The following ARHGAP24 variants were observed in gnomAD, a reference collection of about 807,000 sequenced individuals.
The protein encoded by ARHGAP24 is Rho GTPase activating protein 24.
Under a neutral mutation model 76.4 loss-of-function variants are expected in ARHGAP24, and 50 were observed. That is an observed-to-expected ratio of 0.65 (90% CI 0.52 to 0.83). The LOEUF (loss-of-function observed/expected upper bound fraction) is 0.83. Among genes scored for constraint, ARHGAP24 ranks in the 40% least tolerant of loss-of-function variants. The probability of loss-of-function intolerance (pLI) is 0.00; values close to 1 mark genes in which losing one functional copy is unlikely to be tolerated. For synonymous variants in ARHGAP24, 345 were observed against 323.3 expected (o/e 1.07, Z -0.72); for missense variants, 930 against 914.2 (o/e 1.02, Z -0.22).
chr4:85,775,872 G>T (rs1324947590), intron 3 of ARHGAP24, among the ~76,000 whole-genome samples: 2 of 152,220 alleles, frequency 1.3e-5, no homozygotes, highest in East Asian at 3.9e-4. Flanking sequence ...AGTAATCATG[G>T]GAAATTGTTC....
At chr4:85,565,382 C>G (rs993255392) in intron 1 of ARHGAP24, among the ~76,000 whole-genome samples, 33 of 152,186 alleles carry the variant, frequency 2.2e-4, no homozygotes, top group African/African-American at 7.7e-4. Flanking sequence ...AGTATTTTAC[C>G]AACATTGCCA....
At chr4:85,912,356 C>T (rs765460231) in intron 3 of ARHGAP24, among the ~76,000 whole-genome samples, 16 of 152,094 alleles carry the variant, frequency 1.1e-4, no homozygotes, top group Non-Finnish European at 1.8e-4. Context: ...TACACTGGAG[C>T]TCACAAAATC....
intron 2 of ARHGAP24, among the ~76,000 whole-genome samples, chr4:85,710,975 C>T (rs72974953): frequency 0.23 from 35,687 of 151,926 alleles, 4,992 homozygotes; most frequent in East Asian, 0.58. Flanking sequence ...GCACTACTCA[C>T]AATAGCAAAG....
At chr4:85,558,840 T>G (rs931179) in intron 1 of ARHGAP24, among the ~76,000 whole-genome samples, 129,064 of 152,208 alleles carry the variant, frequency 0.85, 56,244 homozygotes, top group East Asian at 0.98. Context: ...AATGACTATC[T>G]CCATCAAAGT....
intron 2 of ARHGAP24, among the ~76,000 whole-genome samples, chr4:85,627,074 T>G (rs181615135): frequency 6.6e-6 from 1 of 152,264 alleles, no homozygotes; most frequent in African/African-American, 2.4e-5. Flanking sequence ...TTCTCTCAAC[T>G]TGTCAGTCAT....
At chr4:85,827,191 TTC>T (rs1443179217) in intron 3 of ARHGAP24, among the ~76,000 whole-genome samples, 2 of 152,176 alleles carry the variant, frequency 1.3e-5, no homozygotes, top group Non-Finnish European at 1.5e-5. Flanking sequence ...TTTAAATTGA[TTC>T]TGTCAGCTCT....
chr4:85,708,694 G>A (rs528694123), intron 2 of ARHGAP24, among the ~76,000 whole-genome samples: 3 of 152,280 alleles, frequency 2.0e-5, no homozygotes, highest in East Asian at 3.9e-4. Flanking sequence ...GGCGCACTCT[G>A]TTGGCATCCG....
chr4:85,483,614 AAAAT>A (rs927592014), intron 1 of ARHGAP24, among the ~76,000 whole-genome samples: 4 of 152,156 alleles, frequency 2.6e-5, no homozygotes, highest in African/African-American at 4.8e-5. Context: ...CTCCATCTCA[AAAAT>A]AAATAAATAA....
chr4:85,627,130 T>C (rs1473736128), intron 2 of ARHGAP24, among the ~76,000 whole-genome samples: 1 of 152,186 alleles, frequency 6.6e-6, no homozygotes, highest in Non-Finnish European at 1.5e-5. Flanking sequence ...CTGCATTCCT[T>C]TGGAGGAGGA....
At chr4:85,929,835 G>C (rs1323124737) in intron 4 of ARHGAP24, among the ~76,000 whole-genome samples, 1 of 152,198 alleles carries the variant, frequency 6.6e-6, no homozygotes, top group Non-Finnish European at 1.5e-5. Context: ...AGTAAAACTT[G>C]TATGGGAGGG....
At chr4:85,520,176 G>A (rs1578003768) in intron 1 of ARHGAP24, among the ~76,000 whole-genome samples, 1 of 152,084 alleles carries the variant, frequency 6.6e-6, no homozygotes, top group Admixed American at 6.6e-5. Flanking sequence ...TCCATATATG[G>A]TGTGGGAAAG....
intron 2 of ARHGAP24, among the ~76,000 whole-genome samples, chr4:85,644,577 A>G (rs1047889657): frequency 4.6e-5 from 7 of 152,152 alleles, no homozygotes; most frequent in Non-Finnish European, 8.8e-5. Flanking sequence ...AGATAACTAA[A>G]CTGATGGAAT....
rs755398817 is a variant in ARHGAP24, at chr4:86,002,191, G to T, written c.*1469G>T. ...TTTATGGGGTTTGTGTTGTTTGAAGGTTCAATGCTTGCATGTGTTTATTTA... is the reference window on the plus strand; with the variant it reads ...TTTATGGGGTTTGTGTTGTTTGAAGTTTCAATGCTTGCATGTGTTTATTTA... On this transcript the variant is annotated 3_prime_UTR_variant, in exon 10 of 10. Coordinates refer to ENST00000395184, the MANE Select transcript of ARHGAP24 (RefSeq NM_001025616.3). The T allele has an allele frequency of 2.6e-5, 4 of 152,158 alleles. No homozygotes were observed. 9.4% of individuals were successfully genotyped at this position (152,158 alleles called of 1,614,324 possible). A position where few individuals can be genotyped will look rare whatever the true frequency, so the allele number is the denominator to read the frequency against.
In ARHGAP24 at chr4:85,617,032, C is replaced by T. The variant is rs1369322495; in HGVS notation, c.180+46311C>T. The stretch of plus-strand genomic sequence containing the variant: ...AGTAGTAGGAAAGCATAACAGTTTT[C>T]ATGTATCTATATATTTAACATATAT... On this transcript the variant is annotated intron_variant, in intron 2 of 9. Transcript: ENST00000395184. 2.7e-5 allele frequency among the ~76,000 whole-genome samples: 4 copies of T among 148,908 alleles called. No individual in the cohort carries two copies. In the East Asian group the frequency reaches 7.8e-4, roughly 29 times the overall value.
chr4:85,524,302 C>T (rs1050125103), intron 1 of ARHGAP24, among the ~76,000 whole-genome samples: 1 of 152,040 alleles, frequency 6.6e-6, no homozygotes, highest in Admixed American at 6.6e-5. Context: ...ATTTAATAAC[C>T]ATATTCTTAG....
At chr4:85,995,718 C>G (rs1303312549) in intron 9 of ARHGAP24, 61 bp downstream of exon 9, 5 of 1,478,158 alleles carry the variant, frequency 3.4e-6, no homozygotes, top group Non-Finnish European at 4.7e-6. Flanking sequence ...TACTGTGGGA[C>G]AGGATCACAC....
intron 2 of ARHGAP24, among the ~76,000 whole-genome samples, chr4:85,589,626 T>G (rs796736122): frequency 5.3e-5 from 8 of 152,340 alleles, no homozygotes; most frequent in African/African-American, 1.9e-4. Flanking sequence ...CGGCCAGAGA[T>G]ATATTTTTTG....
At chr4:85,555,924 G>T (rs956927646) in intron 1 of ARHGAP24, among the ~76,000 whole-genome samples, 2 of 152,194 alleles carry the variant, frequency 1.3e-5, no homozygotes, top group African/African-American at 4.8e-5. Flanking sequence ...TGTCCTAAAG[G>T]AGGTGTGGTT....
chr4:85,743,870 CAACTACTA>C (rs774481137), intron 3 of ARHGAP24, among the ~76,000 whole-genome samples: 1 of 152,084 alleles, frequency 6.6e-6, no homozygotes, highest in Non-Finnish European at 1.5e-5. Context: ...CATTAATTAG[CAACTACTA>C]AGTTGTAGCA....
Sources: allele counts gnomAD v4.1 joint callset (sites outside exome capture counted in the v4.1 genomes callset), GRCh38; gene constraint gnomAD v4.1.1; transcripts MANE v1.5; gene names NCBI Gene and HGNC (gene_info 2026-07-23, HGNC 2026-07-21).